Variants in NKAIN2 observed in about 807,000 individuals in gnomAD.
NKAIN2 encodes the protein sodium/potassium transporting ATPase interacting 2, also known as sodium/potassium-transporting ATPase subunit beta-1-interacting protein 2.
Under a neutral mutation model 32.6 loss-of-function variants are expected in NKAIN2, and 14 were observed. The observed-to-expected ratio is 0.43, with a 90% CI of 0.28 to 0.67. The LOEUF is 0.67. NKAIN2 is among the 30% of genes least tolerant of loss of function. The pLI is 0.17. For missense variants in NKAIN2, 198 were observed against 258.3 expected (o/e 0.77, Z 1.60); for synonymous variants, 80 against 87.2 (o/e 0.92, Z 0.46).
chr6:124,437,872 ATT>A (rs374033234), intron 3 of NKAIN2: 5,076 of 342,178 alleles, frequency 0.015, 113 homozygotes, highest in African/African-American at 0.077. Context: ...TGATCTATTG[ATT>A]TTTTTTTTTT....
At chr6:124,136,759 G>A (rs1786812685) in intron 1 of NKAIN2, among the ~76,000 whole-genome samples, 1 of 152,036 alleles carries the variant, frequency 6.6e-6, no homozygotes, top group Non-Finnish European at 1.5e-5. Context: ...CAAAAATCAT[G>A]TGGTCATCTC....
chr6:124,447,641 C>T (rs980099815), intron 3 of NKAIN2, among the ~76,000 whole-genome samples: 2 of 152,128 alleles, frequency 1.3e-5, no homozygotes, highest in Admixed American at 6.6e-5. Flanking sequence ...GATACAAGAA[C>T]AGGTCATAGA....
chr6:124,499,969 A>G (rs1439686927), intron 3 of NKAIN2, among the ~76,000 whole-genome samples: 3 of 152,200 alleles, frequency 2.0e-5, no homozygotes, highest in African/African-American at 7.2e-5. Flanking sequence ...AAGTAGTAGT[A>G]TACATTATGC....
At chr6:124,143,513 T>C (rs1050572478) in intron 1 of NKAIN2, among the ~76,000 whole-genome samples, 14 of 152,088 alleles carry the variant, frequency 9.2e-5, no homozygotes, top group African/African-American at 3.4e-4. Context: ...ATTAAAATGA[T>C]TTCTAAGCAA....
intron 1 of NKAIN2, among the ~76,000 whole-genome samples, chr6:123,844,051 T>C (rs920171310): frequency 6.6e-6 from 1 of 152,158 alleles, no homozygotes; most frequent in African/African-American, 2.4e-5. Flanking sequence ...AGAGAACTTA[T>C]GAGAAGGCCT....
intron 3 of NKAIN2, among the ~76,000 whole-genome samples, chr6:124,503,813 A>G (rs909832401): frequency 1.3e-5 from 2 of 152,154 alleles, no homozygotes; most frequent in Non-Finnish European, 2.9e-5. Flanking sequence ...GTGCTTTTTC[A>G]ACATCAAAGC....
rs138662064 is a variant in NKAIN2 at position 123,810,648 on chromosome 6, T to G, written c.54+6394T>G. 1.3e-3 allele frequency among the ~76,000 whole-genome samples: 185 copies of G among 144,792 alleles called. 1 individual carries two copies. Among genetic ancestry groups the G allele is most frequent in the Non-Finnish European group, 1.8e-3 (120 of 66,264 alleles). 95.0% of individuals were successfully genotyped at this position (144,792 alleles called of 152,430 possible). A position where few individuals can be genotyped will look rare whatever the true frequency, so the allele number is the denominator to read the frequency against. On this transcript the variant is annotated intron_variant, in intron 1 of 6. Transcript: ENST00000368417. ...TATATGGAAAGAAAAAATATATTCT[T>G]TTTTTTTTTTAAATCCAGCTCTTTT...
chr6:123,845,980 C>A (rs1307309375), intron 1 of NKAIN2, among the ~76,000 whole-genome samples: 1 of 152,098 alleles, frequency 6.6e-6, no homozygotes, highest in African/African-American at 2.4e-5. Flanking sequence ...TTTACCGGGT[C>A]TCTCTGACTC....
At chr6:124,417,134 A>C (rs1188539852) in intron 3 of NKAIN2, among the ~76,000 whole-genome samples, 1 of 152,246 alleles carries the variant, frequency 6.6e-6, no homozygotes, top group Non-Finnish European at 1.5e-5. Flanking sequence ...AATAGATGGC[A>C]TACTGAGAGG....
At chr6:124,281,466 A>T (rs978209123) in intron 1 of NKAIN2, among the ~76,000 whole-genome samples, 2 of 152,344 alleles carry the variant, frequency 1.3e-5, no homozygotes, top group East Asian at 3.9e-4. Flanking sequence ...ATAAAGCTTA[A>T]GTGATATTCC....
chr6:124,562,202 G>A (rs1014672810), intron 3 of NKAIN2, among the ~76,000 whole-genome samples: 4 of 152,148 alleles, frequency 2.6e-5, no homozygotes, highest in South Asian at 2.1e-4. Context: ...TATATGCTAC[G>A]TCACCAAAAA....
At chr6:124,439,358 G>GTT (rs35754541) in intron 3 of NKAIN2, among the ~76,000 whole-genome samples, 1 of 146,500 alleles carries the variant, frequency 6.8e-6, no homozygotes, top group Non-Finnish European at 1.5e-5. Context: ...TCCACTTGTT[G>GTT]TTTTTTTTTT....
At chr6:124,169,278 C>T (rs1426545817) in intron 1 of NKAIN2, among the ~76,000 whole-genome samples, 1 of 151,990 alleles carries the variant, frequency 6.6e-6, no homozygotes, top group East Asian at 1.9e-4. Context: ...AAATAATATT[C>T]TTTACATTCT....
At chr6:124,460,253 A>C (rs1188083574) in intron 3 of NKAIN2, among the ~76,000 whole-genome samples, 3 of 151,770 alleles carry the variant, frequency 2.0e-5, no homozygotes, top group Non-Finnish European at 4.4e-5. Context: ...GTTCTACTTT[A>C]AAATATTTTC....
chr6:124,499,085 C>T (rs557993344), intron 3 of NKAIN2, among the ~76,000 whole-genome samples: 67 of 152,108 alleles, frequency 4.4e-4, no homozygotes, highest in African/African-American at 1.5e-3. Flanking sequence ...TTATCTTTTC[C>T]GTAAACTACC....
At chr6:124,735,851 C>G (rs1776911698) in intron 4 of NKAIN2, among the ~76,000 whole-genome samples, 2 of 151,810 alleles carry the variant, frequency 1.3e-5, no homozygotes, top group African/African-American at 4.8e-5. Flanking sequence ...ATCTCTCTCC[C>G]TTTCTTCCAG....
At chr6:124,530,591 G>A (rs1779486450) in intron 3 of NKAIN2, among the ~76,000 whole-genome samples, 2 of 152,162 alleles carry the variant, frequency 1.3e-5, no homozygotes, top group Admixed American at 1.3e-4. Context: ...AGACATATAA[G>A]GAGAGCTATT....
At chr6:124,295,613 T>C (rs1159395146) in intron 2 of NKAIN2, among the ~76,000 whole-genome samples, 3 of 152,120 alleles carry the variant, frequency 2.0e-5, no homozygotes, top group Non-Finnish European at 4.4e-5. Flanking sequence ...CCTAATTTTA[T>C]TTAAGGAGAA....
chr6:124,784,419 C>T (rs564410918), intron 4 of NKAIN2, among the ~76,000 whole-genome samples: 4 of 152,222 alleles, frequency 2.6e-5, no homozygotes, highest in South Asian at 4.1e-4. Flanking sequence ...AAACCACCAA[C>T]CTGTTCTCGA....
Sources: gnomAD v4.1 joint callset for allele counts (sites outside exome capture counted in the v4.1 genomes callset) on GRCh38, gnomAD v4.1.1 for gene constraint, MANE v1.5 for transcripts, NCBI Gene and HGNC (gene_info 2026-07-23, HGNC 2026-07-21) for gene names.